Variants in CNMD observed in about 807,000 individuals in gnomAD.
CNMD encodes the protein chondromodulin.
A neutral mutation model predicts 37.5 loss-of-function variants in CNMD; 30 were observed. The ratio of observed to expected loss-of-function variants is 0.80; its 90% CI spans 0.60 to 1.09. The LOEUF is 1.09. Among genes scored for constraint, CNMD ranks in the 50% least tolerant of loss-of-function variants. The pLI, the probability that CNMD is intolerant of heterozygous loss-of-function variation, is 0.00. For missense variants in CNMD, 398 were observed against 423.9 expected (o/e 0.94, Z 0.54); for synonymous variants, 167 against 148.2 (o/e 1.13, Z -0.92).
chr13:52,712,632 T>C, intron 5 of CNMD, 84 bp downstream of exon 5: 1 of 823,326 alleles, frequency 1.2e-6, no homozygotes, highest in East Asian at 2.9e-5. Context: ...GTTAACATGC[T>C]CAGGCCTGTG....
intron 6 of CNMD, among the ~76,000 whole-genome samples, chr13:52,707,730 C>A (rs1964209431): frequency 6.6e-6 from 1 of 152,086 alleles, no homozygotes; most frequent in African/African-American, 2.4e-5. Flanking sequence ...GCACAGAAAA[C>A]AACTGAATAA....
chr13:52,717,521 A>G (rs1160656904), intron 4 of CNMD, among the ~76,000 whole-genome samples: 1 of 152,178 alleles, frequency 6.6e-6, no homozygotes, highest in Admixed American at 6.5e-5. Context: ...TGTTCCATCA[A>G]TACCTAGTTT....
chr13:52,733,027 TGCAAA>T, intron 3 of CNMD, 187 bp downstream of exon 3: 6 of 607,442 alleles, frequency 9.9e-6, no homozygotes, highest in African/African-American at 3.7e-5. Context: ...TTTTTTCTTT[TGCAAA>T]TATGAAGGAC....
chr13:52,739,240 G>A lies in CNMD; in HGVS notation c.73-69C>T, dbSNP rs1244293051. Reference sequence around the variant, plus strand: ...AGCACCTGCGGCCCCCAGCGCACCCGGGCCCCACGCGGTAGCCCCCAGGGA... The same window carrying A: ...AGCACCTGCGGCCCCCAGCGCACCCAGGCCCCACGCGGTAGCCCCCAGGGA... On this transcript the variant is annotated intron_variant, in intron 1 of 6. Transcript: ENST00000377962. The surrounding 1 kb of genome is among the most constrained non-coding windows in gnomAD (Gnocchi z 5.4). 1 of 1,404,726 alleles carries A rather than the reference G, an allele frequency of 7.1e-7. No individual in the cohort carries two copies. The highest frequency in any genetic ancestry group is 2.9e-5 in the East Asian group (1 of 34,884). The allele number at this position is 1,404,726 out of a possible 1,614,324, so 87.0% of individuals were successfully genotyped here. A position where few individuals can be genotyped will look rare whatever the true frequency, so the allele number is the denominator to read the frequency against.
At chr13:52,718,126 GT>G (rs1964421462) in intron 4 of CNMD, among the ~76,000 whole-genome samples, 1 of 152,154 alleles carries the variant, frequency 6.6e-6, no homozygotes, top group Admixed American at 6.6e-5. Context: ...TAGTTTATTT[GT>G]GTAGAGGTGT....
At chr13:52,732,380 A>G (rs1458447028) in intron 3 of CNMD, among the ~76,000 whole-genome samples, 1 of 152,202 alleles carries the variant, frequency 6.6e-6, no homozygotes, top group Non-Finnish European at 1.5e-5. Flanking sequence ...GCCTGAAGTG[A>G]CACTTTGGTT....
chr13:52,730,898 G>T (rs1437256379), intron 3 of CNMD, among the ~76,000 whole-genome samples: 1 of 152,146 alleles, frequency 6.6e-6, no homozygotes, highest in African/African-American at 2.4e-5. Flanking sequence ...TAAAATCTTG[G>T]TGGGGTCCTG....
intron 3 of CNMD, among the ~76,000 whole-genome samples, chr13:52,731,584 T>C (rs1038330887): frequency 1.3e-5 from 2 of 152,202 alleles, no homozygotes; most frequent in African/African-American, 4.8e-5. Context: ...TGTTGGTCTA[T>C]GAGAACAAAA....
At chr13:52,704,220 A>G (rs1346174079) in intron 6 of CNMD, among the ~76,000 whole-genome samples, 1 of 152,218 alleles carries the variant, frequency 6.6e-6, no homozygotes, top group Non-Finnish European at 1.5e-5. Flanking sequence ...TTCTTGCAGT[A>G]ATAGCTTCCA....
chr13:52,703,835 G>A (rs1964130928), intron 6 of CNMD, 25 bp from the exon 7 acceptor site: 2 of 1,585,016 alleles, frequency 1.3e-6, no homozygotes, highest in Non-Finnish European at 8.7e-7. Context: ...ATAATTATTT[G>A]TGATAACTGC....
At chr13:52,728,432 C>T (rs578182486) in intron 3 of CNMD, among the ~76,000 whole-genome samples, 18 of 152,192 alleles carry the variant, frequency 1.2e-4, no homozygotes, top group African/African-American at 4.3e-4. Context: ...TGTTGTGCCC[C>T]ACCCCCAGTT....
At chr13:52,738,934 C>T in intron 2 of CNMD, 97 bp downstream of exon 2, 10 of 1,218,080 alleles carry the variant, frequency 8.2e-6, no homozygotes, top group Non-Finnish European at 1.1e-5. Context: ...GAGGGGCCCG[C>T]CGGCAGCCGC....
chr13:52,724,785 T>G (rs1964545639), intron 3 of CNMD, among the ~76,000 whole-genome samples: 1 of 151,932 alleles, frequency 6.6e-6, no homozygotes, highest in Admixed American at 6.6e-5. Context: ...TAATCCCAGC[T>G]ACTTGGGAGG....
rs1361297985 is a variant in CNMD at position 52,724,061 on chromosome 13, G to A, written c.404C>T (p.Ala135Val). The A allele has an allele frequency of 2.5e-6, 4 of 1,614,036 alleles. No homozygotes were observed. The highest frequency in any genetic ancestry group is 1.7e-6 in the Non-Finnish European group (2 of 1,179,986). Residue 135 changes from alanine (A) to valine (V), a missense_variant, in exon 4 of 7, where the codon GCG (alanine) becomes GTG (valine). By Grantham distance (64) the Ala-to-Val change is moderately conservative. Coordinates refer to ENST00000377962, the MANE Select transcript of CNMD (RefSeq NM_007015.3). ...CTCAGGAATACGAGCCTTCACTTGCGCTTTAATGTAGCACTTCTCTCCTCC... is the reference window on the plus strand; with the variant it reads ...CTCAGGAATACGAGCCTTCACTTGCACTTTAATGTAGCACTTCTCTCCTCC... The part of the protein sequence containing the change: ...FAGGEKCYIK[A>V]QVKARIPEVG...
At position 52,708,150 on chromosome 13, in the gene CNMD, C is replaced by T. The variant is rs144849081; in HGVS notation, c.789+386G>A. On this transcript the variant is annotated intron_variant, in intron 6 of 6. Transcript: ENST00000377962. ...AGTCTAAGTTGAATACTTATATGCGCGTTTGAAACCTCAAGTACAAACACC... is the reference window on the plus strand; with the variant it reads ...AGTCTAAGTTGAATACTTATATGCGTGTTTGAAACCTCAAGTACAAACACC... Among the ~76,000 whole-genome samples, 206 of 151,154 alleles carry T rather than the reference C, an allele frequency of 1.4e-3. 1 individual carries two copies. Among genetic ancestry groups the T allele is most frequent in the African/African-American group, 4.7e-3 (195 of 41,154 alleles).
At position 52,708,686 on chromosome 13, in the gene CNMD, T is replaced by C. The variant is rs1161774690; in HGVS notation, c.639A>G (p.Arg213=). Residue 213 remains arginine (R), a synonymous_variant, in exon 6 of 7, where the codon AGA becomes AGG. Coordinates refer to ENST00000377962, the MANE Select transcript of CNMD (RefSeq NM_007015.3). ...GAACAATTTTTCTTACCACTTCTCT[T>C]CTTTCCCTCTGGATTTCTGCAAAAA... ...PTYPKEIQRE[R]REVVRKIVPT... The C allele has an allele frequency of 2.5e-6, 4 of 1,601,250 alleles. No homozygotes were observed. Among genetic ancestry groups the C allele is most frequent in the Non-Finnish European group, 3.4e-6 (4 of 1,176,784 alleles).
chr13:52,718,903 T>C (rs1163120986), intron 4 of CNMD, among the ~76,000 whole-genome samples: 1 of 152,190 alleles, frequency 6.6e-6, no homozygotes, highest in Non-Finnish European at 1.5e-5. Context: ...GTCTCATTGA[T>C]CTGTCTAATA....
chr13:52,719,028 A>G (rs549159463), intron 4 of CNMD, among the ~76,000 whole-genome samples: 57 of 152,278 alleles, frequency 3.7e-4, no homozygotes, highest in African/African-American at 1.3e-3. Context: ...GGGTGCATAT[A>G]TATTTAGGAT....
chr13:52,713,131 T>C (rs1378833837), intron 4 of CNMD, among the ~76,000 whole-genome samples: 1 of 152,182 alleles, frequency 6.6e-6, no homozygotes, highest in African/African-American at 2.4e-5. Context: ...AAGTGAAAAT[T>C]ACTTGATACC....
Sources: allele counts gnomAD v4.1 joint callset (sites outside exome capture counted in the v4.1 genomes callset), GRCh38; gene constraint gnomAD v4.1.1; non-coding constraint Gnocchi (gnomAD v3.1); transcripts MANE v1.5; gene names NCBI Gene and HGNC (gene_info 2026-07-23, HGNC 2026-07-21).